OR8B8: variants seen among roughly 807,000 people sequenced by gnomAD.
The protein encoded by OR8B8 is olfactory receptor 8B8.
A neutral mutation model predicts 10.5 loss-of-function variants in OR8B8; 8 were observed. The ratio of observed to expected loss-of-function variants is 0.76; its 90% confidence interval spans 0.45 to 1.38. The LOEUF (loss-of-function observed/expected upper bound fraction) is 1.38. Ranked by LOEUF, OR8B8 falls within the 40% of genes most tolerant of loss-of-function variation. The pLI is 0.00. For missense variants in OR8B8, 390 were observed against 380.5 expected, an observed-to-expected ratio of 1.03 and a Z score of -0.21; for synonymous variants, 150 against 145.2, an observed-to-expected ratio of 1.03 and a Z score of -0.24.
chr11:124,438,227 CT>C lies in OR8B8; in HGVS notation c.*1922del, dbSNP rs1338135192. 6.6e-6 allele frequency: 1 copy of C among 152,188 alleles called. No individual in the cohort carries two copies. Among genetic ancestry groups the C allele is most frequent in the Non-Finnish European group, 1.5e-5 (1 of 68,046 alleles). 9.4% of individuals were successfully genotyped at this position (152,188 alleles called of 1,614,324 possible). On this transcript the variant is annotated 3_prime_UTR_variant, in exon 3 of 3. Transcript: ENST00000642064. The stretch of plus-strand genomic sequence containing the variant: ...ACCATCCAACTCTCTGGGCTCTGCT[CT>C]TTTTGAGTCTTTATGCTGCTCTGCC...
Position 124,441,061 on chromosome 11 carries a change from C to T in OR8B8, c.25G>A (p.Val9Met). 2.5e-6 allele frequency: 4 copies of T among 1,611,670 alleles called. No individual in the cohort carries two copies. Among genetic ancestry groups the T allele is most frequent in the East Asian group, 2.2e-5 (1 of 44,866 alleles). MAAENSSF[V>M]TQFILAGLTD... ...AAGCCTGCGAGGATAAACTGTGTCA[C>T]GAAGGAGGAATTCTCAGCAGCCATT... The change falls in exon 3 of 3, where the codon GTG (valine) becomes ATG (methionine). Residue 9 changes from valine (V) to methionine (M), a missense_variant. Transcript: ENST00000642064.
Position 124,437,661 on chromosome 11 carries a change from TGTGTGTGCGCGC to T in OR8B8, c.*2477_*2488del, listed in dbSNP as rs1306662336. ...GTGTGTGTGTGTGTGTGTGTGTGTG[TGTGTGTGCGCGC>T]GCGCGTGCGTGCGTGCTGGGATTAC... is the stretch of plus-strand genomic sequence containing the variant. On this transcript the variant is annotated 3_prime_UTR_variant, in exon 3 of 3. Transcript: ENST00000642064. 1.3e-3 allele frequency: 160 copies of T among 123,922 alleles called. No homozygotes were observed. The highest frequency in any genetic ancestry group is 4.6e-3 in the African/African-American group (134 of 29,198). The allele number at this position is 123,922 out of a possible 1,614,324, so 7.7% of individuals were successfully genotyped here.
In OR8B8 at chr11:124,440,270, C is replaced by A. The variant is rs368304946; in HGVS notation, c.816G>T (p.Lys272Asn). The change falls in exon 3 of 3, where the codon AAG becomes AAT. Residue 272 changes from lysine to asparagine, a missense_variant. Physicochemically the swap from Lys to Asn is moderately conservative, Grantham distance 94. Transcript: ENST00000642064. ...CAGTGGTATAGAATAGGGAAGACACCTTGCCCTGGTTCATAGCTAAAAGAG... is the reference window on the plus strand; with the variant it reads ...CAGTGGTATAGAATAGGGAAGACACATTGCCCTGGTTCATAGCTAAAAGAG... ...PFSLLAMNQG[K>N]VSSLFYTTVV... The A allele has an allele frequency of 1.9e-6, 3 of 1,614,036 alleles. No individual in the cohort carries two copies. Among genetic ancestry groups the A allele is most frequent in the African/African-American group, 1.3e-5 (1 of 74,902 alleles).
In OR8B8 at chr11:124,437,663, T is replaced by C. The variant is rs1397191416; in HGVS notation, c.*2487A>G. The C allele has an allele frequency of 3.0e-5, 4 of 131,384 alleles. No individual in the cohort carries two copies. Among genetic ancestry groups the C allele is most frequent in the African/African-American group, 6.2e-5 (2 of 32,004 alleles). 8.1% of individuals were successfully genotyped at this position (131,384 alleles called of 1,614,324 possible). On this transcript the variant is annotated 3_prime_UTR_variant, in exon 3 of 3. Coordinates refer to ENST00000642064, the MANE Select transcript of OR8B8 (RefSeq NM_012378.2). ...GTGTGTGTGTGTGTGTGTGTGTGTG[T>C]GTGTGCGCGCGCGCGTGCGTGCGTG...
At position 124,439,870 on chromosome 11, in the gene OR8B8, G is replaced by C. The variant is rs1861444941; in HGVS notation, c.*280C>G. The C allele has an allele frequency of 6.1e-6, 2 of 328,042 alleles. No homozygotes were observed. Among genetic ancestry groups the C allele is most frequent in the Admixed American group, 4.4e-5 (1 of 22,646 alleles). 20.3% of individuals were successfully genotyped at this position (328,042 alleles called of 1,614,324 possible). On this transcript the variant is annotated 3_prime_UTR_variant, in exon 3 of 3. Transcript: ENST00000642064. ...AGCCAGTACTGGAAATAAAGAGCCT[G>C]GATTTTAGTCGCAGTTCCACTGCTG... is the stretch of plus-strand genomic sequence containing the variant.
In OR8B8 at chr11:124,437,903, C is replaced by T. The variant is rs1413685360; in HGVS notation, c.*2247G>A. On this transcript the variant is annotated 3_prime_UTR_variant, in exon 3 of 3. Coordinates refer to ENST00000642064, the MANE Select transcript of OR8B8 (RefSeq NM_012378.2). ...CTGGTCAATATATAAATAAATATAT[C>T]TTGTAAATGGAATGTAGAAATAATC... 6.6e-6 allele frequency: 1 copy of T among 152,034 alleles called. No individual in the cohort carries two copies. Among genetic ancestry groups the T allele is most frequent in the Non-Finnish European group, 1.5e-5 (1 of 68,020 alleles). The allele number at this position is 152,034 out of a possible 1,614,324, so 9.4% of individuals were successfully genotyped here. A position where few individuals can be genotyped will look rare whatever the true frequency, so the allele number is the denominator to read the frequency against.
chr11:124,443,764 T>C (rs537125315), intron 1 of OR8B8, among the ~76,000 whole-genome samples: 1 of 152,338 alleles, frequency 6.6e-6, no homozygotes, highest in African/African-American at 2.4e-5. Flanking sequence ...GCTTCTGCTG[T>C]TGCTGTGGCA....
At position 124,437,663 on chromosome 11, in the gene OR8B8, TGTGTGCGC is replaced by T. The variant is rs1469903770; in HGVS notation, c.*2479_*2486del. 9 of 131,384 alleles carry T rather than the reference TGTGTGCGC, an allele frequency of 6.9e-5. No homozygotes were observed. The highest frequency in any genetic ancestry group is 2.4e-4 in the South Asian group (1 of 4,228). 8.1% of individuals were successfully genotyped at this position (131,384 alleles called of 1,614,324 possible). ...GTGTGTGTGTGTGTGTGTGTGTGTG[TGTGTGCGC>T]GCGCGCGTGCGTGCGTGCTGGGATT... On this transcript the variant is annotated 3_prime_UTR_variant, in exon 3 of 3. Transcript: ENST00000642064.
In OR8B8 at chr11:124,440,088, CCAGTGGAGT is replaced by C. The variant is rs1470295677; in HGVS notation, c.*53_*61del. The C allele has an allele frequency of 7.7e-7, 1 of 1,295,976 alleles. No individual in the cohort carries two copies. The highest frequency in any genetic ancestry group is 1.5e-5 in the African/African-American group (1 of 67,192). The allele number at this position is 1,295,976 out of a possible 1,614,324, so 80.3% of individuals were successfully genotyped here. On this transcript the variant is annotated 3_prime_UTR_variant, in exon 3 of 3. Transcript: ENST00000642064. ...GAAAAATTATATTTCTTCCATGTAA[CCAGTGGAGT>C]CCAAATCACTTATGGGAGAAACAGT...
chr11:124,441,708 T>C (rs1446445039), intron 1 of OR8B8, 85 bp from the exon 2 acceptor site: 2 of 152,870 alleles, frequency 1.3e-5, no homozygotes, highest in Admixed American at 6.5e-5. Flanking sequence ...CAGAACTCTT[T>C]CTGAGCTACA....
At chr11:124,441,161 G>T in intron 2 of OR8B8, 60 bp from the exon 3 acceptor site, 1 of 1,076,648 alleles carries the variant, frequency 9.3e-7, no homozygotes. Flanking sequence ...TGCCCTCCCA[G>T]TCATCCCTCC....
At chr11:124,442,727 G>C (rs891234308) in intron 1 of OR8B8, among the ~76,000 whole-genome samples, 3 of 152,072 alleles carry the variant, frequency 2.0e-5, no homozygotes, top group African/African-American at 7.3e-5. Context: ...TTCTCGTTTT[G>C]CTTGCTTTGT....
intron 1 of OR8B8, among the ~76,000 whole-genome samples, chr11:124,442,964 G>T (rs1861489898): frequency 1.0e-5 from 1 of 98,436 alleles, no homozygotes; most frequent in Non-Finnish European, 2.2e-5. Context: ...CCCAAGCCAG[G>T]CATCATAAAT....
In OR8B8 at chr11:124,437,902, T is replaced by C. The variant is rs938818252; in HGVS notation, c.*2248A>G. 1 of 152,062 alleles carries C rather than the reference T, an allele frequency of 6.6e-6. No homozygotes were observed. The highest frequency in any genetic ancestry group is 1.5e-5 in the Non-Finnish European group (1 of 68,030). 9.4% of individuals were successfully genotyped at this position (152,062 alleles called of 1,614,324 possible). A position where few individuals can be genotyped will look rare whatever the true frequency, so the allele number is the denominator to read the frequency against. ...TCTGGTCAATATATAAATAAATATATCTTGTAAATGGAATGTAGAAATAAT... is the reference window on the plus strand; with the variant it reads ...TCTGGTCAATATATAAATAAATATACCTTGTAAATGGAATGTAGAAATAAT... On this transcript the variant is annotated 3_prime_UTR_variant, in exon 3 of 3. Transcript: ENST00000642064.
At chr11:124,442,060 C>CT (rs34086356) in intron 1 of OR8B8, among the ~76,000 whole-genome samples, 6 of 151,888 alleles carry the variant, frequency 4.0e-5, no homozygotes, top group Non-Finnish European at 8.8e-5. Context: ...ATACCTAATC[C>CT]TTTTTTTTCC....
In OR8B8 at chr11:124,441,008, G is replaced by C. The variant is rs771492054; in HGVS notation, c.78C>G (p.Pro26=). 5 of 1,613,826 alleles carry C rather than the reference G, an allele frequency of 3.1e-6. No homozygotes were observed. The highest frequency in any genetic ancestry group is 4.2e-6 in the Non-Finnish European group (5 of 1,180,018). Reference sequence around the variant, plus strand: ...AGAAGCCTAGAAACAGGAAGAAGAGGGGGATCTGGACTCCCGGTTGGTCAG... The same window carrying C: ...AGAAGCCTAGAAACAGGAAGAAGAGCGGGATCTGGACTCCCGGTTGGTCAG... ...GLTDQPGVQI[P]LFFLFLGFYV... The change falls in exon 3 of 3, where the codon CCC becomes CCG. Residue 26 remains proline (P), a synonymous_variant. Transcript: ENST00000642064.
chr11:124,441,074 C>G lies in OR8B8; in HGVS notation c.12G>C (p.Glu4Asp), dbSNP rs1417720937. ...TAAACTGTGTCACGAAGGAGGAATT[C>G]TCAGCAGCCATTGTCATTTAAGGCA... MAA[E>D]NSSFVTQFIL... Residue 4 changes from glutamate to aspartate, a missense_variant, in exon 3 of 3, where the codon GAG becomes GAC. Transcript: ENST00000642064. 1 of 1,610,084 alleles carries G rather than the reference C, an allele frequency of 6.2e-7. No homozygotes were observed. Among genetic ancestry groups the G allele is most frequent in the East Asian group, 2.2e-5 (1 of 44,876 alleles).
Position 124,440,069 on chromosome 11 carries a change from T to C in OR8B8, c.*81A>G, listed in dbSNP as rs942045523. ...GATGATGAACCTGTTTGAGGAAAAA[T>C]TATATTTCTTCCATGTAACCAGTGG... On this transcript the variant is annotated 3_prime_UTR_variant, in exon 3 of 3. Coordinates refer to ENST00000642064, the MANE Select transcript of OR8B8 (RefSeq NM_012378.2). 1.7e-6 allele frequency: 2 copies of C among 1,161,196 alleles called. No individual in the cohort carries two copies. The highest frequency in any genetic ancestry group is 1.5e-5 in the African/African-American group (1 of 64,596). 71.9% of individuals were successfully genotyped at this position (1,161,196 alleles called of 1,614,324 possible). A position where few individuals can be genotyped will look rare whatever the true frequency, so the allele number is the denominator to read the frequency against.
chr11:124,443,881 A>C (rs980180853), intron 1 of OR8B8, among the ~76,000 whole-genome samples: 8 of 151,916 alleles, frequency 5.3e-5, no homozygotes, highest in Non-Finnish European at 1.0e-4. Context: ...GGTACATCTG[A>C]GAATCCATTC....
Sources: gnomAD v4.1 joint callset for allele counts (sites outside exome capture counted in the v4.1 genomes callset) on GRCh38, gnomAD v4.1.1 for gene constraint, MANE v1.5 for transcripts, NCBI Gene and HGNC (gene_info 2026-07-23, HGNC 2026-07-21) for gene names.